The following FUT9 variants were observed in gnomAD, a reference collection of about 807,000 sequenced individuals.
FUT9 encodes the protein 4-galactosyl-N-acetylglucosaminide 3-alpha-L-fucosyltransferase 9.
In FUT9, 15 loss-of-function variants were observed where a neutral mutation model predicts 29.7. The ratio of observed to expected loss-of-function variants is 0.51; its 90% CI spans 0.34 to 0.78. The LOEUF (loss-of-function observed/expected upper bound fraction) is 0.78, where lower values mean the gene tolerates loss of function less well. FUT9 is among the 30% of genes least tolerant of loss of function. The pLI is 0.01. For synonymous variants in FUT9, 169 were observed against 153.7 expected (o/e 1.10, Z -0.74); for missense variants, 319 against 425.4 (o/e 0.75, Z 2.20).
chr6:96,078,078 C>G (rs1771169372), intron 1 of FUT9, among the ~76,000 whole-genome samples: 1 of 152,142 alleles, frequency 6.6e-6, no homozygotes, highest in Admixed American at 6.6e-5. Flanking sequence ...CCTCTGTGTT[C>G]TATTTCCGGG....
intron 2 of FUT9, among the ~76,000 whole-genome samples, chr6:96,157,359 T>C (rs560562683): frequency 1.3e-5 from 2 of 152,328 alleles, no homozygotes; most frequent in Admixed American, 1.3e-4. Context: ...CGGTAAACTG[T>C]AAAGATTCTC....
At chr6:96,200,181 G>T (rs1235350368) in intron 2 of FUT9, among the ~76,000 whole-genome samples, 1 of 152,080 alleles carries the variant, frequency 6.6e-6, no homozygotes, top group Non-Finnish European at 1.5e-5. Flanking sequence ...TAAGTGCTCA[G>T]ATCAGTGTTT....
intron 1 of FUT9, among the ~76,000 whole-genome samples, chr6:96,100,092 G>T (rs1329011009): frequency 6.6e-6 from 1 of 152,030 alleles, no homozygotes; most frequent in Admixed American, 6.6e-5. Context: ...CATACCCAAG[G>T]GAAATCAGAA....
rs1364040447 is a variant in FUT9, at chr6:96,208,830, C to T, written c.*4595C>T. On this transcript the variant is annotated 3_prime_UTR_variant, in exon 3 of 3. Transcript: ENST00000302103. ...TGAAGGGCAGATATCTATTACCAAA[C>T]CACATGGAGAGAAATATAGTCTCTC... 6.0e-6 allele frequency: 1 copy of T among 166,458 alleles called. No homozygotes were observed. Among genetic ancestry groups the T allele is most frequent in the Non-Finnish European group, 1.5e-5 (1 of 67,948 alleles). 10.3% of individuals were successfully genotyped at this position (166,458 alleles called of 1,614,324 possible).
chr6:96,135,533 A>C (rs1003088331), intron 2 of FUT9, among the ~76,000 whole-genome samples: 3 of 151,946 alleles, frequency 2.0e-5, no homozygotes, highest in Non-Finnish European at 4.4e-5. Context: ...ATTCAACATA[A>C]AAGGAAATAA....
intron 2 of FUT9, among the ~76,000 whole-genome samples, chr6:96,177,370 A>G (rs1488810790): frequency 6.6e-6 from 1 of 152,082 alleles, no homozygotes; most frequent in Non-Finnish European, 1.5e-5. Flanking sequence ...AGAAAGGAAA[A>G]TAATGTAGTT....
chr6:96,035,709 T>C (rs1770343670), intron 1 of FUT9, among the ~76,000 whole-genome samples: 2 of 138,352 alleles, frequency 1.4e-5, no homozygotes, highest in South Asian at 4.3e-4. Flanking sequence ...ATAAATATAA[T>C]TTATTATACT....
At chr6:96,135,834 A>G (rs1027030274) in intron 2 of FUT9, among the ~76,000 whole-genome samples, 13 of 151,992 alleles carry the variant, frequency 8.6e-5, no homozygotes, top group Admixed American at 5.3e-4. Context: ...TTAAAAATAT[A>G]AAGTAGAAGG....
chr6:96,016,438 G>T (rs1311813241), intron 1 of FUT9, among the ~76,000 whole-genome samples: 1 of 152,096 alleles, frequency 6.6e-6, no homozygotes, highest in African/African-American at 2.4e-5. Flanking sequence ...CCTGCAGCTC[G>T]CAGTCCCGCC....
Position 96,204,341 on chromosome 6 carries a change from T to C in FUT9, c.*106T>C. ...ACTACTTTTGTGTCACAATTTATTT[T>C]TATCACCCTCTCTAGGGTAACGTGT... On this transcript the variant is annotated 3_prime_UTR_variant, in exon 3 of 3. Coordinates refer to ENST00000302103, the MANE Select transcript of FUT9 (RefSeq NM_006581.4). 1.3e-6 allele frequency: 1 copy of C among 768,078 alleles called. No homozygotes were observed. Among genetic ancestry groups the C allele is most frequent in the Non-Finnish European group, 2.0e-6 (1 of 512,682 alleles). The allele number at this position is 768,078 out of a possible 1,614,324, so 47.6% of individuals were successfully genotyped here. A position where few individuals can be genotyped will look rare whatever the true frequency, so the allele number is the denominator to read the frequency against.
intron 1 of FUT9, among the ~76,000 whole-genome samples, chr6:96,032,826 C>T (rs1157089220): frequency 6.6e-6 from 1 of 151,542 alleles, no homozygotes; most frequent in East Asian, 1.9e-4. Context: ...TATAGGCAGG[C>T]TGTGTAACCA....
chr6:96,069,711 A>C (rs570551769), intron 1 of FUT9, among the ~76,000 whole-genome samples: 9 of 151,870 alleles, frequency 5.9e-5, no homozygotes, highest in African/African-American at 2.2e-4. Flanking sequence ...GGCTCACTGC[A>C]ACATCCACCT....
chr6:96,112,266 ATGCTT>A (rs1356378862), intron 1 of FUT9, among the ~76,000 whole-genome samples: 3 of 152,186 alleles, frequency 2.0e-5, no homozygotes, highest in African/African-American at 7.2e-5. Context: ...CCTTACAATA[ATGCTT>A]TCATAATTAT....
chr6:96,107,129 A>G (rs1470066935), intron 1 of FUT9, among the ~76,000 whole-genome samples: 1 of 152,204 alleles, frequency 6.6e-6, no homozygotes, highest in African/African-American at 2.4e-5. Context: ...CTAAATGAAA[A>G]CATTCATGAT....
In FUT9 at chr6:96,160,870, A is replaced by G. The variant is rs75292394; in HGVS notation, c.-8-42278A>G. 5.4e-3 allele frequency among the ~76,000 whole-genome samples: 828 copies of G among 152,318 alleles called. 14 individuals carry two copies. The highest frequency in any genetic ancestry group is 0.019 in the African/African-American group (795 of 41,574). ...ACTTAAAGTAGTAGAAATAACAATA[A>G]TGAGAAGGTGCTAATGATTAAGAGA... is the stretch of plus-strand genomic sequence containing the variant. On this transcript the variant is annotated intron_variant, in intron 2 of 2. Transcript: ENST00000302103.
rs532904976 is a variant in FUT9 at position 96,111,269 on chromosome 6, G to A, written c.-97-2770G>A. ...GTCTCTTTCCCACCTCTACCCCACGGCAGGCAGATGCCTTATCATTGTAGG... is the reference window on the plus strand; with the variant it reads ...GTCTCTTTCCCACCTCTACCCCACGACAGGCAGATGCCTTATCATTGTAGG... On this transcript the variant is annotated intron_variant, in intron 1 of 2. Coordinates refer to ENST00000302103, the MANE Select transcript of FUT9 (RefSeq NM_006581.4). 8.5e-5 allele frequency among the ~76,000 whole-genome samples: 13 copies of A among 152,068 alleles called. No homozygotes were observed. In the East Asian group the frequency reaches 1.9e-3, roughly 23 times the overall value.
intron 1 of FUT9, among the ~76,000 whole-genome samples, chr6:96,028,909 A>G (rs995020624): frequency 6.6e-6 from 1 of 151,648 alleles, no homozygotes; most frequent in Non-Finnish European, 1.5e-5. Flanking sequence ...TTTTTCCACA[A>G]GAATTAAAAC....
intron 1 of FUT9, among the ~76,000 whole-genome samples, chr6:96,035,873 A>G (rs1362131631): frequency 1.9e-5 from 2 of 106,958 alleles, no homozygotes; most frequent in Non-Finnish European, 2.1e-5. Flanking sequence ...TTAATATAAT[A>G]TAATACATTA....
intron 1 of FUT9, among the ~76,000 whole-genome samples, chr6:96,094,665 A>G (rs1771466224): frequency 6.6e-6 from 1 of 152,162 alleles, no homozygotes; most frequent in Non-Finnish European, 1.5e-5. Flanking sequence ...AAGTTCTGAC[A>G]ATGTTTTTTA....
Sources: allele counts gnomAD v4.1 joint callset (sites outside exome capture counted in the v4.1 genomes callset), GRCh38; gene constraint gnomAD v4.1.1; transcripts MANE v1.5; gene names NCBI Gene and HGNC (gene_info 2026-07-23, HGNC 2026-07-21).